The following RS1 variants were observed in gnomAD, a reference collection of about 807,000 sequenced individuals.
RS1 encodes retinoschisin 1, also known as retinoschisin.
RS1 carries 2 observed loss-of-function variants against 20.8 expected under a neutral mutation model. That is an observed-to-expected ratio of 0.10 (90% CI 0.04 to 0.30). The LOEUF (loss-of-function observed/expected upper bound fraction) is 0.30. RS1 is among the 10% of genes least tolerant of loss of function. RS1 has a pLI of 1.00. For missense variants in RS1, 151 were observed against 189.8 expected, an observed-to-expected ratio of 0.80 and a Z score of 1.20; for synonymous variants, 70 against 75.8, an observed-to-expected ratio of 0.92 and a Z score of 0.40.
intron 3 of RS1, among the ~76,000 whole-genome samples, chrX:18,649,518 G>C (rs138663225): frequency 1.8e-5 from 2 of 111,900 alleles, no homozygotes; most frequent in East Asian, 2.8e-4. Flanking sequence ...ACCTCTGGCC[G>C]GGGAGGCTTA....
At chrX:18,653,707 G>A (rs987077752) in intron 3 of RS1, 17 of 715,767 alleles carry the variant, frequency 2.4e-5, no homozygotes, top group African/African-American at 1.9e-4. Flanking sequence ...AGTGGCTCAC[G>A]CCTGTAATCC....
intron 3 of RS1, among the ~76,000 whole-genome samples, chrX:18,648,534 C>T (rs966923221): frequency 9.0e-6 from 1 of 111,471 alleles, no homozygotes; most frequent in Non-Finnish European, 1.9e-5. Context: ...TGAGCCATCA[C>T]ACCCAGCCTC....
intron 3 of RS1, among the ~76,000 whole-genome samples, chrX:18,651,081 C>T (rs1928007176): frequency 9.1e-6 from 1 of 109,877 alleles, no homozygotes; most frequent in Admixed American, 9.8e-5. Flanking sequence ...ATCCATTGCC[C>T]CTCTATCCTA....
At chrX:18,645,435 C>A (rs1927734223) in intron 4 of RS1, among the ~76,000 whole-genome samples, 1 of 110,272 alleles carries the variant, frequency 9.1e-6, no homozygotes, top group African/African-American at 3.3e-5. Flanking sequence ...CCCCTAAGTG[C>A]CCCCACCCCA....
chrX:18,644,564 T>C lies in RS1; in HGVS notation c.388A>G (p.Ile130Val), dbSNP rs1286782618. The C allele has an allele frequency of 8.3e-7, 1 of 1,211,487 alleles. No homozygotes were observed. ...SQWLQIDLKEIKVISGILTQG... is the reference protein window; with the variant it reads ...SQWLQIDLKEVKVISGILTQG... Reference sequence around the variant, plus strand: ...GTGAGGATCCCTGAAATCACTTTGATCTCCTTCAGATCTATCTGTAACCAC... The same window carrying C: ...GTGAGGATCCCTGAAATCACTTTGACCTCCTTCAGATCTATCTGTAACCAC... The change falls in exon 5 of 6, where the codon ATC becomes GTC. Residue 130 changes from isoleucine to valine, a missense_variant. Transcript: ENST00000379984.
chrX:18,657,030 C>A (rs1928228396), intron 2 of RS1, among the ~76,000 whole-genome samples: 1 of 109,919 alleles, frequency 9.1e-6, no homozygotes, highest in South Asian at 3.9e-4. Flanking sequence ...TAGTTATCTT[C>A]AGGAGTGTGG....
intron 1 of RS1, among the ~76,000 whole-genome samples, chrX:18,669,045 A>T (rs1928447323): frequency 8.9e-6 from 1 of 112,285 alleles, no homozygotes. Context: ...GTCACCTATA[A>T]GTTGAGGCTG....
At chrX:18,653,704 C>T (rs1928149164) in intron 3 of RS1, 1 of 744,300 alleles carries the variant, frequency 1.3e-6, no homozygotes, top group Non-Finnish European at 2.0e-6. Flanking sequence ...TGCAGTGGCT[C>T]ACGCCTGTAA....
intron 3 of RS1, chrX:18,653,661 T>C: frequency 9.7e-7 from 1 of 1,032,467 alleles, no homozygotes; most frequent in East Asian, 3.4e-5. Context: ...TCTGAAAATA[T>C]CTGTGTTGTT....
At chrX:18,657,238 T>TTTTTTTTA in intron 2 of RS1, among the ~76,000 whole-genome samples, 1 of 97,100 alleles carries the variant, frequency 1.0e-5, no homozygotes, top group African/African-American at 3.8e-5. Context: ...TTTTTTTTTT[T>TTTTTTTTA]GAGACAGAGT....
At chrX:18,666,531 A>T (rs948105696) in intron 1 of RS1, among the ~76,000 whole-genome samples, 10 of 111,611 alleles carry the variant, frequency 9.0e-5, no homozygotes, top group African/African-American at 2.6e-4. Flanking sequence ...CTCGTGGGCC[A>T]TGTGAGGCTT....
intron 4 of RS1, among the ~76,000 whole-genome samples, chrX:18,644,963 AC>A (rs1399701943): frequency 8.9e-6 from 1 of 112,086 alleles, no homozygotes; most frequent in Non-Finnish European, 1.9e-5. Flanking sequence ...TGGCTGTTAG[AC>A]CACCAGCCCC....
intron 3 of RS1, among the ~76,000 whole-genome samples, chrX:18,650,895 C>T (rs1928000638): frequency 8.9e-6 from 1 of 112,318 alleles, no homozygotes; most frequent in African/African-American, 3.2e-5. Flanking sequence ...TACCTGTCTT[C>T]ATAAAATTGC....
intron 3 of RS1, among the ~76,000 whole-genome samples, chrX:18,652,697 A>G (rs1407477613): frequency 9.0e-6 from 1 of 111,666 alleles, no homozygotes; most frequent in African/African-American, 3.3e-5. Context: ...GATCCTTATC[A>G]GACACACACA....
intron 1 of RS1, among the ~76,000 whole-genome samples, chrX:18,660,745 T>A (rs1421478255): frequency 8.9e-6 from 1 of 112,240 alleles, no homozygotes; most frequent in East Asian, 2.8e-4. Context: ...TGCAACCACT[T>A]TTTTTGTGTC....
At chrX:18,642,880 A>G (rs968829538) in intron 5 of RS1, among the ~76,000 whole-genome samples, 12 of 110,582 alleles carry the variant, frequency 1.1e-4, no homozygotes, top group Middle Eastern at 4.2e-3. Flanking sequence ...CGTCTCTACT[A>G]AAAATACAAA....
Position 18,657,629 on chromosome X carries a change from C to A in RS1, c.78+11G>T. On this transcript the variant is annotated intron_variant, in intron 2 of 5. Transcript: ENST00000379984. ...ATGCATGTACATTACAGCCTTCTTA[C>A]TGTTACATACCTCGGTAGACGATAA... is the stretch of plus-strand genomic sequence containing the variant. 1 of 1,193,511 alleles carries A rather than the reference C, an allele frequency of 8.4e-7. No individual in the cohort carries two copies. Among genetic ancestry groups the A allele is most frequent in the South Asian group, 1.8e-5 (1 of 56,585 alleles).
chrX:18,649,850 CA>C (rs1927953011), intron 3 of RS1, among the ~76,000 whole-genome samples: 4 of 112,189 alleles, frequency 3.6e-5, no homozygotes, highest in African/African-American at 6.5e-5. Flanking sequence ...CCCGAGCGAT[CA>C]GGGGGAGGGG....
intron 1 of RS1, among the ~76,000 whole-genome samples, chrX:18,669,857 C>T (rs928375450): frequency 1.8e-5 from 2 of 112,325 alleles, no homozygotes; most frequent in Non-Finnish European, 3.8e-5. Context: ...GGCTGCTTTC[C>T]TTTCAAGTGC....
Sources: allele counts gnomAD v4.1 joint callset (sites outside exome capture counted in the v4.1 genomes callset), GRCh38; gene constraint gnomAD v4.1.1; transcripts MANE v1.5; gene names NCBI Gene and HGNC (gene_info 2026-07-23, HGNC 2026-07-21).